Variants in NYX observed in about 807,000 individuals in gnomAD.
The protein encoded by NYX is leucine-rich repeat protein.
For missense variants in NYX, 481 were observed against 485.4 expected (o/e 0.99, Z 0.09); for synonymous variants, 258 against 245.7 (o/e 1.05, Z -0.47).
At chrX:41,459,443 A>T (rs1035229434) in intron 2 of NYX, among the ~76,000 whole-genome samples, 3 of 109,478 alleles carry the variant, frequency 2.7e-5, no homozygotes, top group Non-Finnish European at 5.7e-5. Context: ...ACATGGTGAA[A>T]CTCCATCTCT....
intron 2 of NYX, among the ~76,000 whole-genome samples, chrX:41,449,788 C>T (rs769259801): frequency 1.8e-5 from 2 of 111,638 alleles, no homozygotes; most frequent in Non-Finnish European, 3.8e-5. Flanking sequence ...GAGAGCTCAG[C>T]GGTGACATCA....
At chrX:41,472,233 T>TC (rs754313810) in intron 2 of NYX, 8 of 916,983 alleles carry the variant, frequency 8.7e-6, no homozygotes, top group Non-Finnish European at 1.2e-5. Context: ...TGGCTTAGCC[T>TC]CAAGCAAAAA....
At chrX:41,448,143 C>T (rs1224735037) in intron 2 of NYX, among the ~76,000 whole-genome samples, 1 of 111,292 alleles carries the variant, frequency 9.0e-6, no homozygotes, top group African/African-American at 3.3e-5. Context: ...ACTCCTGAGC[C>T]GAATATATGA....
In NYX at chrX:41,460,876, ATTTTTTTTTTTT is replaced by A. The variant is rs59383905; in HGVS notation, c.23-12596_23-12585del. Among the ~76,000 whole-genome samples, 24 of 24,783 alleles carry A rather than the reference ATTTTTTTTTTTT, an allele frequency of 9.7e-4. No individual in the cohort carries two copies. In the East Asian group the frequency reaches 0.012, roughly 13 times the overall value. The allele number at this position is 24,783 out of a possible 115,157, so 21.5% of individuals were successfully genotyped here. On this transcript the variant is annotated intron_variant, in intron 2 of 2. Coordinates refer to ENST00000378220, the MANE Select transcript of NYX (RefSeq NM_001378477.3). ...ATGTAAGCGGAGTCACACAGTATGT[ATTTTTTTTTTTT>A]TTTTTTTTTTTTTTTTTTGGTCTGG...
intron 2 of NYX, among the ~76,000 whole-genome samples, chrX:41,465,147 C>A (rs2064333640): frequency 9.1e-6 from 1 of 109,843 alleles, no homozygotes; most frequent in Non-Finnish European, 1.9e-5. Flanking sequence ...CAAATCTTTG[C>A]TTGGTAATTC....
intron 2 of NYX, among the ~76,000 whole-genome samples, chrX:41,459,661 G>A (rs553088668): frequency 1.8e-5 from 2 of 110,653 alleles, no homozygotes; most frequent in East Asian, 2.8e-4. Flanking sequence ...AAAAGTCATC[G>A]TATAGTATGT....
chrX:41,472,553 AG>A (rs1355835383), intron 2 of NYX: 6 of 551,579 alleles, frequency 1.1e-5, no homozygotes, highest in African/African-American at 4.5e-5. Context: ...CTCTGACTAC[AG>A]GGGGGCTCTG....
chrX:41,464,574 C>T (rs376641473), intron 2 of NYX, among the ~76,000 whole-genome samples: 4 of 111,491 alleles, frequency 3.6e-5, no homozygotes, highest in East Asian at 5.6e-4. Flanking sequence ...CAGACCATAA[C>T]TGTGATTATC....
At position 41,473,787 on chromosome X, in the gene NYX, C is replaced by G. The variant is rs752480428; in HGVS notation, c.319C>G (p.Leu107Val). 6.2e-6 allele frequency: 7 copies of G among 1,135,192 alleles called. No individual in the cohort carries two copies. In the African/African-American group the frequency reaches 1.3e-4, roughly 21 times the overall value. 93.6% of individuals were successfully genotyped at this position (1,135,192 alleles called of 1,213,427 possible). A position where few individuals can be genotyped will look rare whatever the true frequency, so the allele number is the denominator to read the frequency against. Residue 107 changes from leucine (L) to valine (V), a missense_variant, in exon 3 of 3, where the codon CTG becomes GTG. Transcript: ENST00000378220. The part of the protein sequence containing the change: ...TPGAFKGLPR[L>V]AELRLAHNGD... The stretch of plus-strand genomic sequence containing the variant: ...CGGCGCCTTCAAGGGCCTGCCGCGC[C>G]TGGCTGAGCTGCGCCTGGCGCACAA...
chrX:41,464,227 C>A (rs937630289), intron 2 of NYX, among the ~76,000 whole-genome samples: 2 of 109,492 alleles, frequency 1.8e-5, no homozygotes, highest in African/African-American at 6.7e-5. Flanking sequence ...CTTACTGCAA[C>A]CTCTGTCTCC....
intron 2 of NYX, among the ~76,000 whole-genome samples, chrX:41,461,458 A>C (rs377336103): frequency 9.2e-6 from 1 of 109,197 alleles, no homozygotes; most frequent in Admixed American, 1.0e-4. Flanking sequence ...GGGTGGTTCC[A>C]TATTTTTGCA....
chrX:41,474,200 C>T lies in NYX; in HGVS notation c.732C>T (p.Ala244=), dbSNP rs201072571. Residue 244 remains alanine (A), a synonymous_variant, in exon 3 of 3, where the codon GCC becomes GCT. Coordinates refer to ENST00000378220, the MANE Select transcript of NYX (RefSeq NM_001378477.3). ...DNLLAELPAD[A]FRGLRRLRTL... is the part of the protein sequence containing the mutation. ...TGCTGGCCGAGCTCCCGGCCGACGC[C>T]TTCCGCGGCCTGCGGCGCCTGCGCA... is the stretch of plus-strand genomic sequence containing the variant. The T allele has an allele frequency of 4.9e-4, 577 of 1,176,502 alleles. 3 individuals carry two copies. In the African/African-American group the frequency reaches 9.3e-3, roughly 19 times the overall value.
chrX:41,473,547 C>G lies in NYX; in HGVS notation c.79C>G (p.Pro27Ala). ...WAVGACARACPAACACSTVER... is the reference protein window; with the variant it reads ...WAVGACARACAAACACSTVER... ...CGTGGGGGCCTGCGCCCGCGCTTGT[C>G]CCGCCGCCTGCGCCTGCAGCACCGT... The change falls in exon 3 of 3, where the codon CCC (proline) becomes GCC (alanine). Residue 27 changes from proline (P) to alanine (A), a missense_variant. By Grantham distance (27) the Pro-to-Ala change is conservative. Transcript: ENST00000378220. 1 of 1,011,499 alleles carries G rather than the reference C, an allele frequency of 9.9e-7. No individual in the cohort carries two copies. Among genetic ancestry groups the G allele is most frequent in the Middle Eastern group, 3.6e-4 (1 of 2,780 alleles). 83.4% of individuals were successfully genotyped at this position (1,011,499 alleles called of 1,213,427 possible).
chrX:41,450,032 C>T (rs1028798353), intron 2 of NYX, among the ~76,000 whole-genome samples: 1 of 110,927 alleles, frequency 9.0e-6, no homozygotes, highest in Non-Finnish European at 1.9e-5. Context: ...AGAAGTGGCT[C>T]GCAGCAGGGA....
chrX:41,471,040 T>C (rs983705743), intron 2 of NYX, among the ~76,000 whole-genome samples: 1 of 111,728 alleles, frequency 9.0e-6, no homozygotes, highest in Non-Finnish European at 1.9e-5. Flanking sequence ...TGTAACTGGT[T>C]ACAGGGAAAA....
rs61276668 is a variant in NYX at position 41,471,833 on chromosome X, ATTTTTT to A, written c.23-1648_23-1643del. Among the ~76,000 whole-genome samples, 588 of 101,650 alleles carry A rather than the reference ATTTTTT, an allele frequency of 5.8e-3. 6 individuals are homozygous for A. Among genetic ancestry groups the A allele is most frequent in the African/African-American group, 0.018 (497 of 27,770 alleles). The allele number at this position is 101,650 out of a possible 115,157, so 88.3% of individuals were successfully genotyped here. On this transcript the variant is annotated intron_variant, in intron 2 of 2. Coordinates refer to ENST00000378220, the MANE Select transcript of NYX (RefSeq NM_001378477.3). ...GGCACTGGTGTATATATATATATGT[ATTTTTT>A]TTTTTTTTTCCCCTGGGGTAACTGG...
chrX:41,469,868 C>T (rs762684639), intron 2 of NYX, among the ~76,000 whole-genome samples: 4 of 111,171 alleles, frequency 3.6e-5, no homozygotes, highest in African/African-American at 1.3e-4. Context: ...TACTTTGCTG[C>T]AGGTGGCAAG....
rs62637025 is a variant in NYX at position 41,473,977 on chromosome X, C to G, written c.509C>G (p.Pro170Arg). 9.3e-7 allele frequency: 1 copy of G among 1,079,928 alleles called. No homozygotes were observed. Among genetic ancestry groups the G allele is most frequent in the Non-Finnish European group, 1.2e-6 (1 of 836,717 alleles). The allele number at this position is 1,079,928 out of a possible 1,213,427, so 89.0% of individuals were successfully genotyped here. The change falls in exon 3 of 3, where the codon CCG (proline) becomes CGG (arginine). Residue 170 changes from proline (P) to arginine (R), a missense_variant. Coordinates refer to ENST00000378220, the MANE Select transcript of NYX (RefSeq NM_001378477.3). Reference protein sequence around the residue: ...AAFDNLFRRVPGALRGLANLT... With the variant: ...AAFDNLFRRVRGALRGLANLT... ...TTCGACAACCTGTTCCGCCGCGTGC[C>G]GGGCGCGCTGCGCGGCCTGGCCAAC...
chrX:41,461,129 C>A (rs1457635655), intron 2 of NYX, among the ~76,000 whole-genome samples: 2 of 106,969 alleles, frequency 1.9e-5, no homozygotes, highest in African/African-American at 6.8e-5. Flanking sequence ...ACCTGAGCAA[C>A]AAACACTGAA....
Sources: allele counts gnomAD v4.1 joint callset (sites outside exome capture counted in the v4.1 genomes callset), GRCh38; gene constraint gnomAD v4.1.1; transcripts MANE v1.5; gene names NCBI Gene and HGNC (gene_info 2026-07-23, HGNC 2026-07-21).